Variants in HNRNPUL2 observed in about 807,000 individuals in gnomAD.
HNRNPUL2 encodes heterogeneous nuclear ribonucleoprotein U-like protein 2.
HNRNPUL2 carries 27 observed loss-of-function variants against 102.2 expected under a neutral mutation model. The ratio of observed to expected loss-of-function variants is 0.26; its 90% CI spans 0.19 to 0.36. The LOEUF (loss-of-function observed/expected upper bound fraction) is 0.36. Among genes scored for constraint, HNRNPUL2 ranks in the 10% least tolerant of loss-of-function variants. The probability of loss-of-function intolerance (pLI) is 1.00; values close to 1 mark genes in which losing one functional copy is unlikely to be tolerated. For synonymous variants in HNRNPUL2, 458 were observed against 387.2 expected (o/e 1.18, Z -2.15); for missense variants, 936 against 981.1 (o/e 0.95, Z 0.61).
rs1305479523 is a variant in HNRNPUL2, at chr11:62,713,168, T to G, written c.*2131A>C. 6.6e-6 allele frequency: 1 copy of G among 152,122 alleles called. No homozygotes were observed. Among genetic ancestry groups the G allele is most frequent in the Non-Finnish European group, 1.5e-5 (1 of 68,008 alleles). 9.4% of individuals were successfully genotyped at this position (152,122 alleles called of 1,614,324 possible). A position where few individuals can be genotyped will look rare whatever the true frequency, so the allele number is the denominator to read the frequency against. ...CCCCTAACCCCTGCTGGAAAAAAAC[T>G]CAACTTGATTTAGTTTAGTCCCCTT... On this transcript the variant is annotated 3_prime_UTR_variant, in exon 14 of 14. Coordinates refer to ENST00000301785, the MANE Select transcript of HNRNPUL2 (RefSeq NM_001079559.3).
rs557218208 is a variant in HNRNPUL2, at chr11:62,720,007, G to T, written c.1780+16C>A. ...GTATTCTGTTATAGCAGCAGAAAAT[G>T]GACTAAGACACCCACCTTTCATCTC... On this transcript the variant is annotated intron_variant, in intron 10 of 13. Coordinates refer to ENST00000301785, the MANE Select transcript of HNRNPUL2 (RefSeq NM_001079559.3). 6.1e-5 allele frequency: 99 copies of T among 1,610,442 alleles called. No individual in the cohort carries two copies. The South Asian group carries it at 1.0e-3, about 17-fold the overall frequency.
At chr11:62,725,085 A>G (rs1290453161) in intron 1 of HNRNPUL2, among the ~76,000 whole-genome samples, 2 of 152,226 alleles carry the variant, frequency 1.3e-5, no homozygotes, top group African/African-American at 4.8e-5. Context: ...GTTGTTGTAT[A>G]TTTAGCAACT....
rs371971357 is a variant in HNRNPUL2 at position 62,715,918 on chromosome 11, G to C, written c.2001C>G (p.Gly667=). 7.5e-6 allele frequency: 12 copies of C among 1,607,842 alleles called. No individual in the cohort carries two copies. The highest frequency in any genetic ancestry group is 1.7e-5 in the Admixed American group (1 of 58,848). The change falls in exon 12 of 14, where the codon GGC becomes GGG. Residue 667 remains glycine, a synonymous_variant. Coordinates refer to ENST00000301785, the MANE Select transcript of HNRNPUL2 (RefSeq NM_001079559.3). ...GQGYVGGQRR[G]YDNRAYGQQY... The stretch of plus-strand genomic sequence containing the variant: ...GCTGCCCGTAGGCCCGGTTGTCGTA[G>C]CCTCGGCGCTGCCCGCCCACTGGAA...
intron 9 of HNRNPUL2, 67 bp from the exon 10 acceptor site, chr11:62,720,258 A>G: frequency 6.6e-7 from 1 of 1,514,008 alleles, no homozygotes; most frequent in African/African-American, 1.4e-5. Flanking sequence ...CAAAAGAATC[A>G]GTATCAGCTG....
At chr11:62,723,132 T>C (rs888352329) in intron 4 of HNRNPUL2, among the ~76,000 whole-genome samples, 9 of 152,252 alleles carry the variant, frequency 5.9e-5, no homozygotes, top group East Asian at 1.9e-4. Context: ...AAAAGCCTGA[T>C]TGGACAGAAG....
intron 7 of HNRNPUL2, 69 bp downstream of exon 7, chr11:62,722,047 AC>A (rs1421779799): frequency 7.5e-6 from 12 of 1,599,646 alleles, no homozygotes; most frequent in Admixed American, 1.7e-5. Flanking sequence ...ACGCTCTGAG[AC>A]CCTGGAGAGC....
Position 62,726,752 on chromosome 11 carries a change from C to G in HNRNPUL2, c.405G>C (p.Thr135=), listed in dbSNP as rs543848090. Residue 135 remains threonine, a synonymous_variant, in exon 1 of 14, where the codon ACG becomes ACC. Coordinates refer to ENST00000301785, the MANE Select transcript of HNRNPUL2 (RefSeq NM_001079559.3). ...PDASEKPAEA[T]AGSGGVNGGE... Reference sequence around the variant, plus strand: ...CACCATTTACCCCGCCTGACCCGGCCGTGGCCTCCGCCGGCTTCTCGGAAG... The same window carrying G: ...CACCATTTACCCCGCCTGACCCGGCGGTGGCCTCCGCCGGCTTCTCGGAAG... 1 of 1,601,072 alleles carries G rather than the reference C, an allele frequency of 6.2e-7. No individual in the cohort carries two copies. Among genetic ancestry groups the G allele is most frequent in the Admixed American group, 1.7e-5 (1 of 59,996 alleles).
In HNRNPUL2 at chr11:62,724,436, C is replaced by T. The variant is rs200203108; in HGVS notation, c.539-10G>A. The T allele has an allele frequency of 1.6e-4, 254 of 1,614,064 alleles. No individual in the cohort carries two copies. The African/African-American group carries it at 2.9e-3, about 18-fold the overall frequency. The stretch of plus-strand genomic sequence containing the variant: ...CTATCCTGGTCATCTCCTACAAAAA[C>T]GAGGGAAAGAAAATCAGCAGTTTTC... On this transcript the variant is annotated splice_polypyrimidine_tract_variant and intron_variant, in intron 1 of 13. Transcript: ENST00000301785.
chr11:62,719,975 G>A, intron 10 of HNRNPUL2, 48 bp downstream of exon 10: 5 of 1,537,168 alleles, frequency 3.3e-6, no homozygotes, highest in Middle Eastern at 1.7e-4. Flanking sequence ...AAATTATGAA[G>A]TCTATGGTAT....
rs968195212 is a variant in HNRNPUL2, at chr11:62,723,733, A to G, written c.752-7T>C. On this transcript the variant is annotated splice_region_variant and splice_polypyrimidine_tract_variant and intron_variant, in intron 3 of 13. Coordinates refer to ENST00000301785, the MANE Select transcript of HNRNPUL2 (RefSeq NM_001079559.3). ...AAATGCAGATCCGAGGTATCTGTAA[A>G]GAAAGAAGCAATCAGTTTACTCCAA... 1 of 1,614,020 alleles carries G rather than the reference A, an allele frequency of 6.2e-7. No individual in the cohort carries two copies. The highest frequency in any genetic ancestry group is 1.3e-5 in the African/African-American group (1 of 74,936).
In HNRNPUL2 at chr11:62,715,600, C is replaced by T. The variant is rs577770749; in HGVS notation, c.2063G>A (p.Arg688His). The change falls in exon 13 of 14, where the codon CGT becomes CAT. Residue 688 changes from arginine (R) to histidine (H), a missense_variant. Arg to His is a conservative substitution (Grantham distance 29, BLOSUM62 0). Coordinates refer to ENST00000301785, the MANE Select transcript of HNRNPUL2 (RefSeq NM_001079559.3). The stretch of plus-strand genomic sequence containing the variant: ...TCCCCTGTATCGATCATAGAAATTA[C>T]GGTAACCCTGAGAAAGGAAAAGAAA... ...WGQPGNRGGYRNFYDRYRGDY... is the reference protein window; with the variant it reads ...WGQPGNRGGYHNFYDRYRGDY... The T allele has an allele frequency of 4.3e-6, 7 of 1,611,550 alleles. No homozygotes were observed. In the East Asian group the frequency reaches 6.7e-5, roughly 15 times the overall value.
In HNRNPUL2 at chr11:62,727,127, C is replaced by A; in HGVS notation, c.30G>T (p.Glu10Asp). The A allele has an allele frequency of 6.9e-7, 1 of 1,450,886 alleles. No individual in the cohort carries two copies. The highest frequency in any genetic ancestry group is 9.1e-7 in the Non-Finnish European group (1 of 1,104,892). 89.9% of individuals were successfully genotyped at this position (1,450,886 alleles called of 1,614,324 possible). A position where few individuals can be genotyped will look rare whatever the true frequency, so the allele number is the denominator to read the frequency against. The change falls in exon 1 of 14, where the codon GAG becomes GAT. Residue 10 changes from glutamate to aspartate, a missense_variant. Around this residue, in one of 2 missense-constraint regions of HNRNPUL2, gnomAD observed 327 missense variants for 268.1 expected, o/e 1.22. Transcript: ENST00000301785. Reference protein sequence around the residue: MEVKRLKVTELRSELQRRGL... With the variant: MEVKRLKVTDLRSELQRRGL... Reference sequence around the variant, plus strand: ...CCCGCCGCTGCAGCTCCGACCGCAGCTCGGTCACTTTCAGCCGCTTCACCT... The same window carrying A: ...CCCGCCGCTGCAGCTCCGACCGCAGATCGGTCACTTTCAGCCGCTTCACCT...
At position 62,715,160 on chromosome 11, in the gene HNRNPUL2, A is replaced by AC. The variant is rs2083649734; in HGVS notation, c.*138dup. Reference sequence around the variant, plus strand: ...CCCCCTCCCCCACCCCTGCTTGAGCACCCTCCCCCCCCACCACCCCTCCCC... The same window carrying AC: ...CCCCCTCCCCCACCCCTGCTTGAGCACCCCTCCCCCCCCACCACCCCTCCCC... On this transcript the variant is annotated 3_prime_UTR_variant, in exon 14 of 14. Coordinates refer to ENST00000301785, the MANE Select transcript of HNRNPUL2 (RefSeq NM_001079559.3). 2.9e-5 allele frequency: 1 copy of AC among 35,012 alleles called. No homozygotes were observed. The allele number at this position is 35,012 out of a possible 1,614,324, so 2.2% of individuals were successfully genotyped here.
Position 62,726,826 on chromosome 11 carries a change from G to A in HNRNPUL2, c.331C>T (p.Pro111Ser), listed in dbSNP as rs1309733844. Residue 111 changes from proline to serine, a missense_variant, in exon 1 of 14, where the codon CCG becomes TCG. Transcript: ENST00000301785. ...QALGQAAQPP[P>S]EPPEAAAMEA... is the part of the protein sequence containing the mutation. ...ATGGCTGCCGCCTCCGGGGGCTCCG[G>A]CGGCGGCTGCGCGGCCTGACCCAAG... is the stretch of plus-strand genomic sequence containing the variant. 6.3e-7 allele frequency: 1 copy of A among 1,590,576 alleles called. No individual in the cohort carries two copies. Among genetic ancestry groups the A allele is most frequent in the African/African-American group, 1.3e-5 (1 of 74,098 alleles).
At chr11:62,721,471 T>C (rs1159840485) in intron 8 of HNRNPUL2, 48 bp from the exon 9 acceptor site, 2 of 1,522,194 alleles carry the variant, frequency 1.3e-6, no homozygotes, top group South Asian at 1.2e-5. Context: ...ACACAAGTTA[T>C]ATTGCAAGTT....
chr11:62,714,791 A>T lies in HNRNPUL2; in HGVS notation c.*508T>A, dbSNP rs1284354171. On this transcript the variant is annotated 3_prime_UTR_variant, in exon 14 of 14. Coordinates refer to ENST00000301785, the MANE Select transcript of HNRNPUL2 (RefSeq NM_001079559.3). ...TGATAAGAGCCAATCGTTTATTTTC[A>T]CTGTCCCAGTCACAAGCTCTCCCTC... 4 of 154,056 alleles carry T rather than the reference A, an allele frequency of 2.6e-5. No homozygotes were observed. The highest frequency in any genetic ancestry group is 7.2e-5 in the African/African-American group (3 of 41,462). 9.5% of individuals were successfully genotyped at this position (154,056 alleles called of 1,614,324 possible). A position where few individuals can be genotyped will look rare whatever the true frequency, so the allele number is the denominator to read the frequency against.
Position 62,726,970 on chromosome 11 carries a change from G to A in HNRNPUL2, c.187C>T (p.Pro63Ser), listed in dbSNP as rs889902924. ...GGGCCGCCGCCCGACGCGGCCACAG[G>A]CCGAGGCTCCGCCTTGCAGGCCCCG... ...PGGACKAEPRPVAASGGGPGG... is the reference protein window; with the variant it reads ...PGGACKAEPRSVAASGGGPGG... The change falls in exon 1 of 14, where the codon CCT (proline) becomes TCT (serine). Residue 63 changes from proline (P) to serine (S), a missense_variant. Coordinates refer to ENST00000301785, the MANE Select transcript of HNRNPUL2 (RefSeq NM_001079559.3). 3.3e-5 allele frequency: 47 copies of A among 1,421,360 alleles called. No homozygotes were observed. The highest frequency in any genetic ancestry group is 4.2e-5 in the Non-Finnish European group (46 of 1,092,274). The allele number at this position is 1,421,360 out of a possible 1,614,324, so 88.0% of individuals were successfully genotyped here. A position where few individuals can be genotyped will look rare whatever the true frequency, so the allele number is the denominator to read the frequency against.
chr11:62,726,579 G>C, intron 1 of HNRNPUL2, 40 bp downstream of exon 1: 6 of 1,482,886 alleles, frequency 4.0e-6, no homozygotes, highest in Non-Finnish European at 8.9e-7. Context: ...CAGGGGCGCA[G>C]CCGGCAGGTT....
chr11:62,716,765 C>T (rs2083663269), intron 11 of HNRNPUL2, among the ~76,000 whole-genome samples: 1 of 152,160 alleles, frequency 6.6e-6, no homozygotes, highest in African/African-American at 2.4e-5. Flanking sequence ...TGAAAAGTAA[C>T]TCTTTTTTAA....
Sources: allele counts gnomAD v4.1 joint callset (sites outside exome capture counted in the v4.1 genomes callset), GRCh38; gene constraint gnomAD v4.1.1; regional missense constraint gnomAD v4.1.1; transcripts MANE v1.5; gene names NCBI Gene and HGNC (gene_info 2026-07-23, HGNC 2026-07-21).